The following SLC35F1 variants were observed in gnomAD, a reference collection of about 807,000 sequenced individuals.
The protein encoded by SLC35F1 is solute carrier family 35 member F1, also known as chromosome 6 open reading frame 169.
In SLC35F1, 14 loss-of-function variants were observed where a neutral mutation model predicts 48.7. The ratio of observed to expected loss-of-function variants is 0.29; its 90% CI spans 0.19 to 0.45. SLC35F1 has a LOEUF of 0.45. SLC35F1 is among the 20% of genes least tolerant of loss of function. The probability of loss-of-function intolerance (pLI) is 1.00; values close to 1 mark genes in which losing one functional copy is unlikely to be tolerated. For synonymous variants in SLC35F1, 190 were observed against 202.2 expected (o/e 0.94, Z 0.51); for missense variants, 404 against 500.0 (o/e 0.81, Z 1.83).
chr6:118,267,015 C>T lies in SLC35F1; in HGVS notation c.498C>T (p.Ile166=). Residue 166 remains isoleucine (I), a synonymous_variant, in exon 4 of 8, where the codon ATC becomes ATT. Coordinates refer to ENST00000360388, the MANE Select transcript of SLC35F1 (RefSeq NM_001029858.4). ...AATAGCTCCTGGACTGTTTTGTGAT[C>T]CCAGTCGTGATTTTGCTCTCCTGGT... is the stretch of plus-strand genomic sequence containing the variant. ...TSIQLLDCFV[I]PVVILLSWFF... 1.2e-6 allele frequency: 2 copies of T among 1,613,954 alleles called. No individual in the cohort carries two copies. Among genetic ancestry groups the T allele is most frequent in the Non-Finnish European group, 1.7e-6 (2 of 1,179,894 alleles).
chr6:118,061,586 G>GTATATATATATATATATATATATATA (rs780630752), intron 1 of SLC35F1, among the ~76,000 whole-genome samples: 5 of 145,350 alleles, frequency 3.4e-5, no homozygotes, highest in African/African-American at 1.3e-4. Flanking sequence ...GTGTGTGTGT[G>GTATATATATATATATATATATATATA]TGTGTATATA....
intron 1 of SLC35F1, among the ~76,000 whole-genome samples, chr6:117,920,042 C>T (rs1223353407): frequency 1.3e-5 from 2 of 152,222 alleles, no homozygotes; most frequent in African/African-American, 4.8e-5. Context: ...GAGGGGAAGC[C>T]CAGATGCCAG....
intron 1 of SLC35F1, among the ~76,000 whole-genome samples, chr6:118,126,663 G>T (rs1349587694): frequency 6.6e-6 from 1 of 151,604 alleles, no homozygotes; most frequent in Non-Finnish European, 1.5e-5. Flanking sequence ...TCCTTGAGCA[G>T]TGGTTTGTAG....
At chr6:117,989,184 C>T (rs776884052) in intron 1 of SLC35F1, among the ~76,000 whole-genome samples, 2 of 152,180 alleles carry the variant, frequency 1.3e-5, no homozygotes, top group Non-Finnish European at 2.9e-5. Flanking sequence ...CCCAGCAGCT[C>T]GAATGTTACA....
chr6:118,139,317 TTAG>T (rs1773848252), intron 1 of SLC35F1, among the ~76,000 whole-genome samples: 1 of 152,156 alleles, frequency 6.6e-6, no homozygotes, highest in Non-Finnish European at 1.5e-5. Context: ...TTTCACCGTG[TTAG>T]CCAGGATGGT....
intron 1 of SLC35F1, among the ~76,000 whole-genome samples, chr6:117,953,563 T>A (rs959408351): frequency 1.2e-4 from 18 of 152,324 alleles, no homozygotes; most frequent in African/African-American, 3.8e-4. Context: ...AAAAATCATT[T>A]TTATAGTCCA....
At chr6:118,013,604 G>A (rs1012596439) in intron 1 of SLC35F1, among the ~76,000 whole-genome samples, 1 of 152,184 alleles carries the variant, frequency 6.6e-6, no homozygotes, top group Non-Finnish European at 1.5e-5. Context: ...ATGCTCAGGA[G>A]AAATACAAGT....
rs138680595 is a variant in SLC35F1, at chr6:118,314,137, G to T, written c.1112G>T (p.Arg371Leu). 1.2e-6 allele frequency: 2 copies of T among 1,614,064 alleles called. No homozygotes were observed. Among genetic ancestry groups the T allele is most frequent in the Non-Finnish European group, 1.7e-6 (2 of 1,180,016 alleles). Residue 371 changes from arginine to leucine, a missense_variant, in exon 8 of 8, where the codon CGC becomes CTC. By Grantham distance (102) the Arg-to-Leu change is moderately radical. This residue lies in a region of SLC35F1 where 306 missense variants were observed against 419.1 expected (regional missense o/e 0.73). Coordinates refer to ENST00000360388, the MANE Select transcript of SLC35F1 (RefSeq NM_001029858.4). ...GACCCCCGAGTGTATAAGCAGTTCCGCAATCCTTCAGGACCTGTTGTGGAC... is the reference window on the plus strand; with the variant it reads ...GACCCCCGAGTGTATAAGCAGTTCCTCAATCCTTCAGGACCTGTTGTGGAC... ...AQDPRVYKQFRNPSGPVVDLP... is the reference protein window; with the variant it reads ...AQDPRVYKQFLNPSGPVVDLP...
chr6:118,135,898 C>T lies in SLC35F1; in HGVS notation c.174-18547C>T, dbSNP rs1057441651. Reference sequence around the variant, plus strand: ...GGCTGGTGTCTTCCATCAGGTCCCCCTCATAGGCCCAGCAGCCTGGTATTC... The same window carrying T: ...GGCTGGTGTCTTCCATCAGGTCCCCTTCATAGGCCCAGCAGCCTGGTATTC... On this transcript the variant is annotated intron_variant, in intron 1 of 7. Coordinates refer to ENST00000360388, the MANE Select transcript of SLC35F1 (RefSeq NM_001029858.4). Among the ~76,000 whole-genome samples, 13 of 152,122 alleles carry T rather than the reference C, an allele frequency of 8.5e-5. 1 individual carries two copies. Among genetic ancestry groups the T allele is most frequent in the Admixed American group, 8.5e-4 (13 of 15,282 alleles).
intron 2 of SLC35F1, among the ~76,000 whole-genome samples, chr6:118,160,153 A>G (rs1168768660): frequency 6.6e-6 from 1 of 152,228 alleles, no homozygotes; most frequent in Non-Finnish European, 1.5e-5. Context: ...AAGCATGACT[A>G]GAATCATAAG....
chr6:118,008,207 C>T (rs1182644773), intron 1 of SLC35F1, among the ~76,000 whole-genome samples: 2 of 151,930 alleles, frequency 1.3e-5, no homozygotes, highest in African/African-American at 4.8e-5. Flanking sequence ...ATCAAAATAT[C>T]ATATGTGCCC....
At chr6:118,143,311 A>G (rs1022219417) in intron 1 of SLC35F1, among the ~76,000 whole-genome samples, 2 of 152,200 alleles carry the variant, frequency 1.3e-5, no homozygotes, top group Admixed American at 6.5e-5. Flanking sequence ...AGCATTGTGT[A>G]AGGAAAAATG....
chr6:118,257,677 A>G (rs1426476058), intron 3 of SLC35F1, among the ~76,000 whole-genome samples: 1 of 152,256 alleles, frequency 6.6e-6, no homozygotes, highest in Non-Finnish European at 1.5e-5. Flanking sequence ...ACATTAAAGA[A>G]GAAAACAGAA....
At chr6:117,923,897 C>T (rs62647917) in intron 1 of SLC35F1, among the ~76,000 whole-genome samples, 1 of 148,094 alleles carries the variant, frequency 6.8e-6, no homozygotes, top group Non-Finnish European at 1.5e-5. Flanking sequence ...CACATATACA[C>T]ATATATGTGT....
intron 6 of SLC35F1, among the ~76,000 whole-genome samples, chr6:118,281,716 C>T (rs1775986993): frequency 6.6e-6 from 1 of 152,168 alleles, no homozygotes; most frequent in Non-Finnish European, 1.5e-5. Context: ...CCTGGTATTG[C>T]TAATCTTCAG....
intron 1 of SLC35F1, among the ~76,000 whole-genome samples, chr6:118,077,869 T>C (rs554705702): frequency 6.9e-4 from 105 of 152,194 alleles, no homozygotes; most frequent in Non-Finnish European, 1.2e-3. Context: ...ACCATAAATG[T>C]ATTACTTAAA....
intron 1 of SLC35F1, among the ~76,000 whole-genome samples, chr6:118,073,593 A>G (rs898146819): frequency 6.6e-6 from 1 of 152,262 alleles, no homozygotes; most frequent in Non-Finnish European, 1.5e-5. Context: ...TAGGTATACC[A>G]TGAGTAAGTC....
intron 1 of SLC35F1, among the ~76,000 whole-genome samples, chr6:118,122,577 C>T (rs115749245): frequency 0.013 from 1,904 of 152,230 alleles, 36 homozygotes; most frequent in African/African-American, 0.043. Context: ...TTTTATTGTG[C>T]GCGTTTAGTA....
chr6:118,055,988 T>C (rs1454435483), intron 1 of SLC35F1, among the ~76,000 whole-genome samples: 1 of 152,222 alleles, frequency 6.6e-6, no homozygotes, highest in African/African-American at 2.4e-5. Flanking sequence ...CTGTGAATCA[T>C]CCATCTACCA....
Sources: gnomAD v4.1 joint callset for allele counts (sites outside exome capture counted in the v4.1 genomes callset) on GRCh38, gnomAD v4.1.1 for gene constraint, gnomAD v4.1.1 regional missense constraint, MANE v1.5 for transcripts, NCBI Gene and HGNC (gene_info 2026-07-23, HGNC 2026-07-21) for gene names.